The following UNC79 variants were observed in gnomAD, a reference collection of about 807,000 sequenced individuals.
The protein encoded by UNC79 is protein unc-79 homolog.
A neutral mutation model predicts 283.1 loss-of-function variants in UNC79; 37 were observed. The observed-to-expected ratio is 0.13, with a 90% CI of 0.10 to 0.17. UNC79 has a LOEUF of 0.17. Ranked by LOEUF, UNC79 falls within the 10% of genes least tolerant of loss-of-function variation. The probability of loss-of-function intolerance (pLI) is 1.00; values close to 1 mark genes in which losing one functional copy is unlikely to be tolerated. For missense variants in UNC79, 2,272 were observed against 3,211.1 expected (o/e 0.71, Z 7.07); for synonymous variants, 1,107 against 1,200.2 (o/e 0.92, Z 1.61).
chr14:93,562,725 G>A (rs2062637234), intron 14 of UNC79, among the ~76,000 whole-genome samples: 1 of 152,186 alleles, frequency 6.6e-6, no homozygotes, highest in Admixed American at 6.5e-5. Context: ...CCAAACCGAG[G>A]AATTATGTCT....
intron 41 of UNC79, among the ~76,000 whole-genome samples, chr14:93,674,955 C>T (rs1360061253): frequency 6.6e-6 from 1 of 152,212 alleles, no homozygotes; most frequent in Non-Finnish European, 1.5e-5. Context: ...ACGTGGATTA[C>T]TGTAACAGCT....
chr14:93,546,048 T>C (rs755207811), intron 14 of UNC79, among the ~76,000 whole-genome samples: 7 of 152,106 alleles, frequency 4.6e-5, no homozygotes, highest in Non-Finnish European at 7.4e-5. Context: ...GAGCCATGGG[T>C]GTCAGACATG....
At chr14:93,645,408 G>A (rs2069493405) in intron 34 of UNC79, among the ~76,000 whole-genome samples, 1 of 152,186 alleles carries the variant, frequency 6.6e-6, no homozygotes, top group Non-Finnish European at 1.5e-5. Context: ...TACATTTAGT[G>A]CAAGCTGCCA....
chr14:93,531,563 G>T lies in UNC79; in HGVS notation c.1094-987G>T, dbSNP rs2060823289. On this transcript the variant is annotated intron_variant, in intron 10 of 48. Coordinates refer to ENST00000555664, the Ensembl canonical transcript of UNC79. This position sits in a 1 kb window ranked among gnomAD's most constrained non-coding sequence, Gnocchi z 4.2. Reference sequence around the variant, plus strand: ...TAATTTGACAGTCTTGCTCCAACTGGTCTACCCGTGGGTTTGAAAATTGCT... The same window carrying T: ...TAATTTGACAGTCTTGCTCCAACTGTTCTACCCGTGGGTTTGAAAATTGCT... Among the ~76,000 whole-genome samples, 1 of 152,190 alleles carries T rather than the reference G, an allele frequency of 6.6e-6. No individual in the cohort carries two copies. The highest frequency in any genetic ancestry group is 2.4e-5 in the African/African-American group (1 of 41,444).
At position 93,553,486 on chromosome 14, in the gene UNC79, G is replaced by GATT. The variant is rs1254912356; in HGVS notation, c.1755+10791_1755+10792insTTA. 1.8e-4 allele frequency among the ~76,000 whole-genome samples: 28 copies of GATT among 152,286 alleles called. No homozygotes were observed. The East Asian group carries it at 5.4e-3, about 29-fold the overall frequency. ...GAGACCTGCATCCAAGAGTATCCAT[G>GATT]AGAGTCCTTTAGCTGATTATAAATC... is the stretch of plus-strand genomic sequence containing the variant. On this transcript the variant is annotated intron_variant, in intron 14 of 48. Transcript: ENST00000555664.
chr14:93,342,385 G>T (rs2053732498), intron 1 of UNC79, among the ~76,000 whole-genome samples: 2 of 152,164 alleles, frequency 1.3e-5, no homozygotes, highest in African/African-American at 2.4e-5. Context: ...GGGACACAGG[G>T]CACCATGTCT....
At chr14:93,691,618 C>A in intron 45 of UNC79, 131 bp from the exon 49 acceptor site, 1 of 892,700 alleles carries the variant, frequency 1.1e-6, no homozygotes, top group Non-Finnish European at 1.8e-6. Flanking sequence ...GACTTTGTAA[C>A]TCTGAGATAA....
chr14:93,346,074 G>A (rs1168683382), intron 1 of UNC79, among the ~76,000 whole-genome samples: 1 of 151,632 alleles, frequency 6.6e-6, no homozygotes, highest in East Asian at 1.9e-4. Context: ...GCATTTAAAT[G>A]GAGACCAATA....
chr14:93,352,889 C>T (rs2054005182), intron 1 of UNC79, among the ~76,000 whole-genome samples: 2 of 152,204 alleles, frequency 1.3e-5, no homozygotes, highest in African/African-American at 2.4e-5. Flanking sequence ...ATATCATAGC[C>T]TACCTTAAAC....
intron 31 of UNC79, among the ~76,000 whole-genome samples, chr14:93,632,569 G>A (rs7146511): frequency 0.025 from 3,814 of 151,900 alleles, 169 homozygotes; most frequent in African/African-American, 0.088. Flanking sequence ...GCGTGGTGGC[G>A]CGCACCATAG....
At chr14:93,572,576 A>T in intron 15 of UNC79, 117 bp from the exon 16 acceptor site, 1 of 1,447,392 alleles carries the variant, frequency 6.9e-7, no homozygotes, top group Admixed American at 2.2e-5. Flanking sequence ...TTCAGAATAC[A>T]AACTAATCTA....
At chr14:93,565,243 T>C (rs1323010920) in intron 14 of UNC79, among the ~76,000 whole-genome samples, 1 of 152,160 alleles carries the variant, frequency 6.6e-6, no homozygotes, top group East Asian at 1.9e-4. Context: ...TTATTGGTCG[T>C]TGGGTTGGGG....
chr14:93,613,164 T>A, intron 27 of UNC79, 81 bp downstream of exon 28: 4 of 1,561,432 alleles, frequency 2.6e-6, no homozygotes, highest in Non-Finnish European at 1.7e-6. Flanking sequence ...GTAGCCAACG[T>A]TGGTTCAGCA....
chr14:93,394,351 CTTTTATTTTATTTT>C (rs1450748321), intron 1 of UNC79, among the ~76,000 whole-genome samples: 1 of 124,724 alleles, frequency 8.0e-6, no homozygotes, highest in African/African-American at 3.0e-5. Flanking sequence ...ATGCAATTGT[CTTTTATTTTATTTT>C]ATTTTATTTT....
At chr14:93,410,572 G>A (rs1352455853) in intron 1 of UNC79, among the ~76,000 whole-genome samples, 1 of 152,226 alleles carries the variant, frequency 6.6e-6, no homozygotes, top group African/African-American at 2.4e-5. Flanking sequence ...CGTGAGGAGA[G>A]AGGAGAGAGA....
At chr14:93,442,534 G>C (rs1044958772) in intron 1 of UNC79, among the ~76,000 whole-genome samples, 52 of 152,092 alleles carry the variant, frequency 3.4e-4, no homozygotes, top group African/African-American at 1.2e-3. Context: ...TAAATATAAA[G>C]TTGATAACAT....
At chr14:93,493,899 ATATTT>A (rs1460786045) in intron 5 of UNC79, among the ~76,000 whole-genome samples, 79 of 60,284 alleles carry the variant, frequency 1.3e-3, no homozygotes, top group East Asian at 4.1e-3. Flanking sequence ...ATATATATAT[ATATTT>A]TTTTTTTTTT....
chr14:93,539,909 A>C (rs1244627346), intron 12 of UNC79, among the ~76,000 whole-genome samples: 1 of 152,164 alleles, frequency 6.6e-6, no homozygotes, highest in Non-Finnish European at 1.5e-5. Flanking sequence ...ACTTTTCTCT[A>C]TCGTTACATA....
chr14:93,434,432 G>A (rs981648529), intron 1 of UNC79, among the ~76,000 whole-genome samples: 20 of 151,926 alleles, frequency 1.3e-4, no homozygotes, highest in African/African-American at 4.6e-4. Context: ...GAAAATGTTT[G>A]CATAGCTGAT....
Sources: allele counts gnomAD v4.1 joint callset (sites outside exome capture counted in the v4.1 genomes callset), GRCh38; gene constraint gnomAD v4.1.1; non-coding constraint Gnocchi (gnomAD v3.1); transcripts MANE v1.5; gene names NCBI Gene and HGNC (gene_info 2026-07-23, HGNC 2026-07-21).